Variants in RBFOX1 observed in about 807,000 individuals in gnomAD.
The protein encoded by RBFOX1 is RNA binding protein fox-1 homolog 1.
RBFOX1 carries 8 observed loss-of-function variants against 57.7 expected under a neutral mutation model. The observed-to-expected ratio is 0.14, with a 90% confidence interval of 0.08 to 0.25. The LOEUF is 0.25. Ranked by LOEUF, RBFOX1 falls within the 10% of genes least tolerant of loss-of-function variation. The probability of loss-of-function intolerance (pLI) is 1.00; values close to 1 mark genes in which losing one functional copy is unlikely to be tolerated. For missense variants in RBFOX1, 611 were observed against 548.5 expected (o/e 1.11, Z -1.14); for synonymous variants, 326 against 222.4 (o/e 1.47, Z -4.15).
chr16:6,769,308 C>T (rs749604257), intron 3 of RBFOX1, among the ~76,000 whole-genome samples: 1 of 152,196 alleles, frequency 6.6e-6, no homozygotes, highest in Non-Finnish European at 1.5e-5. Flanking sequence ...TGTGTGGCCT[C>T]CATAGCCATG....
At chr16:7,411,051 T>A (rs1375909581) in intron 4 of RBFOX1, among the ~76,000 whole-genome samples, 1 of 152,146 alleles carries the variant, frequency 6.6e-6, no homozygotes, top group Non-Finnish European at 1.5e-5. Flanking sequence ...GTTTAAGCAA[T>A]TCTTGTGCCT....
intron 2 of RBFOX1, among the ~76,000 whole-genome samples, chr16:6,519,184 A>T (rs1396860028): frequency 6.6e-6 from 1 of 152,024 alleles, no homozygotes; most frequent in East Asian, 1.9e-4. Flanking sequence ...TGTGTAATTT[A>T]TCTCTAAAAT....
intron 4 of RBFOX1, among the ~76,000 whole-genome samples, chr16:7,207,868 A>C (rs942021171): frequency 3.3e-5 from 5 of 152,188 alleles, no homozygotes; most frequent in African/African-American, 1.2e-4. Flanking sequence ...AGAGAGAGCT[A>C]AGGAGAAGAT....
At chr16:6,038,549 T>TGA (rs2095398209) in intron 1 of RBFOX1, 1 of 139,984 alleles carries the variant, frequency 7.1e-6, no homozygotes, top group African/African-American at 2.6e-5. Context: ...TATATATATA[T>TGA]ATCATCCATA....
intron 3 of RBFOX1, among the ~76,000 whole-genome samples, chr16:5,864,547 G>T (rs1332196722): frequency 1.4e-5 from 2 of 145,230 alleles, no homozygotes; most frequent in African/African-American, 5.1e-5. Flanking sequence ...ACATACTTGA[G>T]TTTTTTTTTT....
intron 9 of RBFOX1, among the ~76,000 whole-genome samples, chr16:7,605,234 T>C (rs886247462): frequency 6.6e-6 from 1 of 152,156 alleles, no homozygotes; most frequent in Non-Finnish European, 1.5e-5. Flanking sequence ...ATAAAACACA[T>C]TCTGAAATGT....
intron 2 of RBFOX1, among the ~76,000 whole-genome samples, chr16:5,547,778 A>C (rs928310632): frequency 6.6e-6 from 1 of 152,202 alleles, no homozygotes; most frequent in Non-Finnish European, 1.5e-5. Context: ...CATTATCCTA[A>C]GCGAATTAAT....
intron 2 of RBFOX1, among the ~76,000 whole-genome samples, chr16:6,332,128 A>T (rs367630338): frequency 6.9e-4 from 105 of 152,340 alleles, no homozygotes; most frequent in African/African-American, 2.5e-3. Context: ...GAAAGTGCTA[A>T]TATGTGGATG....
At chr16:5,478,170 G>T (rs1323495804) in intron 2 of RBFOX1, among the ~76,000 whole-genome samples, 6 of 152,104 alleles carry the variant, frequency 3.9e-5, no homozygotes, top group African/African-American at 1.4e-4. Context: ...GCTCAGCTTG[G>T]CGGAGTAAAT....
At chr16:6,724,269 G>T (rs1387718700) in intron 3 of RBFOX1, among the ~76,000 whole-genome samples, 1 of 150,366 alleles carries the variant, frequency 6.7e-6, no homozygotes, top group Non-Finnish European at 1.5e-5. Flanking sequence ...GTGTGCAGTG[G>T]TGCAATCTCT....
At chr16:6,439,221 G>A (rs2094314283) in intron 2 of RBFOX1, among the ~76,000 whole-genome samples, 1 of 152,104 alleles carries the variant, frequency 6.6e-6, no homozygotes, top group South Asian at 2.1e-4. Flanking sequence ...TACAGGACAG[G>A]CAGGGCAGAT....
chr16:7,638,003 T>C (rs2062051721), intron 11 of RBFOX1, among the ~76,000 whole-genome samples: 1 of 152,226 alleles, frequency 6.6e-6, no homozygotes, highest in African/African-American at 2.4e-5. Context: ...TATTTCAATT[T>C]TGATAGTCTG....
intron 3 of RBFOX1, among the ~76,000 whole-genome samples, chr16:5,700,914 A>G (rs2051024017): frequency 1.3e-5 from 2 of 152,204 alleles, no homozygotes; most frequent in South Asian, 2.1e-4. Flanking sequence ...GGTGTCACCC[A>G]TAGTGTCTGA....
intron 1 of RBFOX1, among the ~76,000 whole-genome samples, chr16:6,142,669 G>A (rs1030295032): frequency 6.6e-6 from 1 of 152,190 alleles, no homozygotes; most frequent in African/African-American, 2.4e-5. Flanking sequence ...ATGAATGAGT[G>A]AATGAAGGAA....
At chr16:7,229,465 T>C (rs1445835397) in intron 4 of RBFOX1, among the ~76,000 whole-genome samples, 1 of 150,598 alleles carries the variant, frequency 6.6e-6, no homozygotes, top group Admixed American at 6.6e-5. Context: ...TCAGAAGTCA[T>C]TATATGAGAA....
intron 5 of RBFOX1, among the ~76,000 whole-genome samples, chr16:7,552,502 G>A (rs149940867): frequency 6.6e-6 from 1 of 152,154 alleles, no homozygotes; most frequent in Non-Finnish European, 1.5e-5. Flanking sequence ...ATGACCACTG[G>A]GTCAATGTTA....
chr16:5,741,666 A>G (rs906426997), intron 3 of RBFOX1, among the ~76,000 whole-genome samples: 2 of 152,232 alleles, frequency 1.3e-5, no homozygotes, highest in African/African-American at 4.8e-5. Context: ...TACATCAGAC[A>G]TTTATGGCTC....
chr16:7,140,669 C>T (rs914338850), intron 4 of RBFOX1, among the ~76,000 whole-genome samples: 10 of 152,054 alleles, frequency 6.6e-5, no homozygotes, highest in Non-Finnish European at 1.0e-4. Flanking sequence ...CTGTGTGAAA[C>T]GCTGAAAGCA....
At chr16:5,729,826 T>C (rs1042264862) in intron 3 of RBFOX1, among the ~76,000 whole-genome samples, 8 of 152,194 alleles carry the variant, frequency 5.3e-5, no homozygotes, top group African/African-American at 1.9e-4. Flanking sequence ...TTTCATTGCC[T>C]TTGAAAAGGA....
Sources: allele counts gnomAD v4.1 joint callset (sites outside exome capture counted in the v4.1 genomes callset), GRCh38; gene constraint gnomAD v4.1.1; transcripts MANE v1.5; gene names NCBI Gene and HGNC (gene_info 2026-07-23, HGNC 2026-07-21).